The following CNTN3 variants were observed in gnomAD, a reference collection of about 807,000 sequenced individuals.
The protein encoded by CNTN3 is contactin 3.
In CNTN3, 60 loss-of-function variants were observed where a neutral mutation model predicts 119.1. That is an observed-to-expected ratio of 0.50 (90% CI 0.41 to 0.62). The LOEUF (loss-of-function observed/expected upper bound fraction) is 0.62. Among genes scored for constraint, CNTN3 ranks in the 20% least tolerant of loss-of-function variants. The probability of loss-of-function intolerance (pLI) is 0.00; values close to 1 mark genes in which losing one functional copy is unlikely to be tolerated. For synonymous variants in CNTN3, 450 were observed against 438.7 expected (o/e 1.03, Z -0.32); for missense variants, 1,101 against 1,242.4 (o/e 0.89, Z 1.71).
chr3:74,609,096 C>A (rs1351768706), intron 1 of CNTN3, among the ~76,000 whole-genome samples: 2 of 152,110 alleles, frequency 1.3e-5, no homozygotes, highest in Non-Finnish European at 2.9e-5. Context: ...GTGTTCCAAG[C>A]ACATGCAAGA....
At chr3:74,541,128 G>A (rs1387092531) in intron 1 of CNTN3, among the ~76,000 whole-genome samples, 1 of 152,146 alleles carries the variant, frequency 6.6e-6, no homozygotes. Context: ...TATCCTGACT[G>A]TAGGAGTGTA....
intron 11 of CNTN3, among the ~76,000 whole-genome samples, chr3:74,340,566 T>G (rs1051580237): frequency 1.3e-5 from 2 of 152,132 alleles, no homozygotes; most frequent in African/African-American, 4.8e-5. Flanking sequence ...TTTATAGTGT[T>G]GCTCCGGAAA....
chr3:74,426,232 A>T (rs1395936065), intron 4 of CNTN3, among the ~76,000 whole-genome samples: 1 of 152,180 alleles, frequency 6.6e-6, no homozygotes, highest in African/African-American at 2.4e-5. Flanking sequence ...CCTGTGAAGA[A>T]TTACACCGTT....
chr3:74,368,816 C>G (rs1228638934), intron 8 of CNTN3, among the ~76,000 whole-genome samples: 2 of 147,200 alleles, frequency 1.4e-5, no homozygotes, highest in African/African-American at 2.5e-5. Flanking sequence ...TTTTTTTTTT[C>G]TCTTTAGTAG....
intron 13 of CNTN3, among the ~76,000 whole-genome samples, chr3:74,315,532 T>C (rs555398983): frequency 8.5e-5 from 13 of 152,276 alleles, no homozygotes; most frequent in Admixed American, 6.5e-4. Flanking sequence ...AAAGACCACA[T>C]ACTGGGCTAG....
At chr3:74,368,219 A>G (rs959776453) in intron 8 of CNTN3, among the ~76,000 whole-genome samples, 1 of 152,146 alleles carries the variant, frequency 6.6e-6, no homozygotes, top group African/African-American at 2.4e-5. Flanking sequence ...GGTAGACTTC[A>G]TATTTTTCAA....
chr3:74,360,670 C>G (rs772958314), intron 11 of CNTN3, among the ~76,000 whole-genome samples: 1 of 152,130 alleles, frequency 6.6e-6, no homozygotes. Context: ...AATCTGGAAT[C>G]ATTTTGTACT....
intron 5 of CNTN3, among the ~76,000 whole-genome samples, chr3:74,423,961 T>C (rs756364691): frequency 2.0e-5 from 3 of 152,156 alleles, no homozygotes; most frequent in Non-Finnish European, 4.4e-5. Flanking sequence ...ACAAATAAAG[T>C]CCAGCATGTT....
intron 1 of CNTN3, among the ~76,000 whole-genome samples, chr3:74,531,353 G>A (rs1336649829): frequency 1.3e-5 from 2 of 151,900 alleles, no homozygotes; most frequent in Admixed American, 1.3e-4. Context: ...AGACTAGAAA[G>A]CTGACTTAGG....
intron 1 of CNTN3, among the ~76,000 whole-genome samples, chr3:74,583,272 A>G (rs1006155809): frequency 2.0e-5 from 3 of 152,164 alleles, no homozygotes; most frequent in Non-Finnish European, 4.4e-5. Flanking sequence ...CTAAGTAAAC[A>G]TAAGTCAAAC....
At chr3:74,516,973 G>C (rs867926837) in intron 2 of CNTN3, among the ~76,000 whole-genome samples, 1 of 151,826 alleles carries the variant, frequency 6.6e-6, no homozygotes, top group Non-Finnish European at 1.5e-5. Flanking sequence ...GGGAAATGAG[G>C]ACTGAACCCT....
intron 13 of CNTN3, among the ~76,000 whole-genome samples, chr3:74,331,521 G>A (rs1703265136): frequency 6.6e-6 from 1 of 152,096 alleles, no homozygotes; most frequent in Non-Finnish European, 1.5e-5. Flanking sequence ...AAAGAGATCC[G>A]AAAATAAGAC....
At chr3:74,364,663 T>C in intron 9 of CNTN3, 67 bp from the exon 10 acceptor site, 1 of 1,340,400 alleles carries the variant, frequency 7.5e-7, no homozygotes, top group East Asian at 2.3e-5. Context: ...ATGAACTGAC[T>C]ATCATTTCAC....
At chr3:74,491,318 C>G (rs183344265) in intron 3 of CNTN3, among the ~76,000 whole-genome samples, 1 of 146,704 alleles carries the variant, frequency 6.8e-6, no homozygotes, top group East Asian at 2.0e-4. Context: ...CTGGGCAACA[C>G]GGAGAAACCA....
intron 1 of CNTN3, among the ~76,000 whole-genome samples, chr3:74,596,283 C>T (rs889984235): frequency 3.4e-4 from 51 of 151,996 alleles, no homozygotes; most frequent in African/African-American, 1.0e-3. Flanking sequence ...ATAGATTCAA[C>T]GCCATCCCCA....
chr3:74,519,599 T>C (rs1436844632), intron 2 of CNTN3, among the ~76,000 whole-genome samples: 2 of 151,752 alleles, frequency 1.3e-5, no homozygotes, highest in African/African-American at 4.8e-5. Context: ...TTTCATATCA[T>C]AAACAGTAAT....
intron 3 of CNTN3, among the ~76,000 whole-genome samples, chr3:74,491,365 T>G (rs905084073): frequency 6.6e-6 from 1 of 151,508 alleles, no homozygotes; most frequent in Non-Finnish European, 1.5e-5. Context: ...TAGCCAGGTG[T>G]GATGGCATGT....
intron 2 of CNTN3, among the ~76,000 whole-genome samples, chr3:74,519,062 C>T (rs939110750): frequency 2.6e-5 from 4 of 151,762 alleles, no homozygotes; most frequent in African/African-American, 9.7e-5. Flanking sequence ...TTATAATAGG[C>T]TTAAGTGTAT....
chr3:74,484,689 C>T (rs1702820753), intron 4 of CNTN3, among the ~76,000 whole-genome samples: 1 of 152,040 alleles, frequency 6.6e-6, no homozygotes, highest in African/African-American at 2.4e-5. Flanking sequence ...ACCAAGCGAA[C>T]CCCAAAATAC....
Sources: allele counts gnomAD v4.1 joint callset (sites outside exome capture counted in the v4.1 genomes callset), GRCh38; gene constraint gnomAD v4.1.1; transcripts MANE v1.5; gene names NCBI Gene and HGNC (gene_info 2026-07-23, HGNC 2026-07-21).